RUNX1: variants seen among roughly 807,000 people sequenced by gnomAD.
RUNX1 encodes runt-related transcription factor 1.
Under a neutral mutation model 42.8 loss-of-function variants are expected in RUNX1, and 19 were observed. That is an observed-to-expected ratio of 0.44 (90% CI 0.31 to 0.65). The LOEUF (loss-of-function observed/expected upper bound fraction) is 0.65, where lower values mean the gene tolerates loss of function less well. Ranked by LOEUF, RUNX1 falls within the 30% of genes least tolerant of loss-of-function variation. The pLI, the probability that RUNX1 is intolerant of heterozygous loss-of-function variation, is 0.07. For synonymous variants in RUNX1, 271 were observed against 289.4 expected, an observed-to-expected ratio of 0.94 and a Z score of 0.64; for missense variants, 528 against 672.0, an observed-to-expected ratio of 0.79 and a Z score of 2.37.
At chr21:34,863,196 CTT>C (rs2057601927) in intron 5 of RUNX1, among the ~76,000 whole-genome samples, 1 of 152,216 alleles carries the variant, frequency 6.6e-6, no homozygotes, top group Non-Finnish European at 1.5e-5. Flanking sequence ...TATCCCTGAG[CTT>C]TCTACTCACT....
chr21:34,853,486 C>T (rs761715267), intron 6 of RUNX1, among the ~76,000 whole-genome samples: 52 of 152,162 alleles, frequency 3.4e-4, no homozygotes, highest in Non-Finnish European at 5.0e-4. Context: ...ACCCTGGCAT[C>T]GGTGCGTGCC....
chr21:34,820,812 T>G (rs1188771397), intron 7 of RUNX1, among the ~76,000 whole-genome samples: 1 of 151,944 alleles, frequency 6.6e-6, no homozygotes, highest in East Asian at 1.9e-4. Flanking sequence ...AGTGCCCAAG[T>G]GAATGATCCA....
intron 2 of RUNX1, among the ~76,000 whole-genome samples, chr21:34,900,851 G>T (rs1247644812): frequency 6.6e-6 from 1 of 152,088 alleles, no homozygotes; most frequent in East Asian, 1.9e-4. Flanking sequence ...GAAATTGGAG[G>T]TTCTATTTTT....
At chr21:34,957,354 G>A (rs745848631) in intron 2 of RUNX1, among the ~76,000 whole-genome samples, 9 of 152,188 alleles carry the variant, frequency 5.9e-5, no homozygotes, top group South Asian at 2.1e-4. Context: ...AGGATGGCTC[G>A]TGAAATGTGA....
intron 7 of RUNX1, among the ~76,000 whole-genome samples, chr21:34,807,385 C>T (rs1354524705): frequency 6.6e-6 from 1 of 152,126 alleles, no homozygotes; most frequent in Non-Finnish European, 1.5e-5. Flanking sequence ...GTTAGAAAGC[C>T]CCTTCCTTGA....
rs759633019 is a variant in RUNX1 at position 34,894,802 on chromosome 21, A to G, written c.59-1839T>C. ...TCACAAGAACATCATTGCTACCCCCATTTTACAGATAAGGAACCTCACCCT... is the reference window on the plus strand; with the variant it reads ...TCACAAGAACATCATTGCTACCCCCGTTTTACAGATAAGGAACCTCACCCT... On this transcript the variant is annotated intron_variant, in intron 2 of 8. Coordinates refer to ENST00000675419, the MANE Select transcript of RUNX1 (RefSeq NM_001754.5). Among the ~76,000 whole-genome samples the G allele has an allele frequency of 2.3e-4, 35 of 151,114 alleles. 1 individual carries two copies. Among genetic ancestry groups the G allele is most frequent in the Non-Finnish European group, 8.8e-5 (6 of 67,918 alleles).
At chr21:34,932,802 T>C (rs1312578245) in intron 2 of RUNX1, among the ~76,000 whole-genome samples, 1 of 152,178 alleles carries the variant, frequency 6.6e-6, no homozygotes, top group Non-Finnish European at 1.5e-5. Flanking sequence ...TCTGATCTCA[T>C]GTTAACCAAC....
chr21:34,938,980 C>T (rs1051983317), intron 2 of RUNX1, among the ~76,000 whole-genome samples: 4 of 152,126 alleles, frequency 2.6e-5, no homozygotes, highest in South Asian at 2.1e-4. Flanking sequence ...TTTCTAGATT[C>T]GGCTCAAACA....
intron 2 of RUNX1, among the ~76,000 whole-genome samples, chr21:34,987,403 A>T (rs548927681): frequency 6.6e-6 from 1 of 152,304 alleles, no homozygotes; most frequent in South Asian, 2.1e-4. Context: ...TGAAGAATGA[A>T]GTCCCCAGGC....
chr21:34,838,683 G>T (rs1354348580), intron 6 of RUNX1, among the ~76,000 whole-genome samples: 2 of 152,116 alleles, frequency 1.3e-5, no homozygotes, highest in Non-Finnish European at 2.9e-5. Flanking sequence ...CAATGGAAAA[G>T]AAATCAATGT....
At position 34,878,361 on chromosome 21, in the gene RUNX1, AT is replaced by A. The variant is rs371268454; in HGVS notation, c.508+2195del. Among the ~76,000 whole-genome samples the A allele has an allele frequency of 5.0e-3, 673 of 133,798 alleles. 2 individuals carry two copies. The highest frequency in any genetic ancestry group is 7.5e-3 in the Middle Eastern group (2 of 266). The allele number at this position is 133,798 out of a possible 152,430, so 87.8% of individuals were successfully genotyped here. A position where few individuals can be genotyped will look rare whatever the true frequency, so the allele number is the denominator to read the frequency against. Reference sequence around the variant, plus strand: ...GCGCTGACTAAAAAAAAAAAAAAAAATATATATATATATATACACACACACA... The same window carrying A: ...GCGCTGACTAAAAAAAAAAAAAAAAAATATATATATATATACACACACACA... On this transcript the variant is annotated intron_variant, in intron 5 of 8. Coordinates refer to ENST00000675419, the MANE Select transcript of RUNX1 (RefSeq NM_001754.5).
At chr21:34,918,706 G>A (rs1179179862) in intron 2 of RUNX1, among the ~76,000 whole-genome samples, 3 of 152,124 alleles carry the variant, frequency 2.0e-5, no homozygotes, top group Non-Finnish European at 2.9e-5. Context: ...TCAAGAGATC[G>A]AGACCATCCT....
At chr21:34,852,564 G>C (rs2057437173) in intron 6 of RUNX1, among the ~76,000 whole-genome samples, 1 of 152,222 alleles carries the variant, frequency 6.6e-6, no homozygotes, top group Non-Finnish European at 1.5e-5. Context: ...TAGTTGAGGA[G>C]CTTAACACAG....
intron 2 of RUNX1, among the ~76,000 whole-genome samples, chr21:35,025,035 T>A (rs2059225697): frequency 6.6e-6 from 1 of 152,194 alleles, no homozygotes; most frequent in Non-Finnish European, 1.5e-5. Flanking sequence ...ACTCTGAAAG[T>A]CATTTCAAAA....
intron 2 of RUNX1, among the ~76,000 whole-genome samples, chr21:34,988,240 G>A (rs946376520): frequency 2.0e-5 from 3 of 152,126 alleles, no homozygotes; most frequent in Non-Finnish European, 4.4e-5. Flanking sequence ...GGGTCAGTAC[G>A]GTCCTTCTTC....
At chr21:34,916,219 T>A (rs1297110725) in intron 2 of RUNX1, among the ~76,000 whole-genome samples, 1 of 152,182 alleles carries the variant, frequency 6.6e-6, no homozygotes, top group Non-Finnish European at 1.5e-5. Context: ...CAGGGCTGCA[T>A]TACAGCTGCT....
At chr21:34,829,170 A>G (rs1173975649) in intron 7 of RUNX1, among the ~76,000 whole-genome samples, 1 of 152,208 alleles carries the variant, frequency 6.6e-6, no homozygotes. Flanking sequence ...CTTAGCCACT[A>G]TGATCTGCTA....
intron 4 of RUNX1, among the ~76,000 whole-genome samples, chr21:34,882,251 C>CT (rs1175363611): frequency 5.3e-5 from 8 of 152,194 alleles, no homozygotes; most frequent in Non-Finnish European, 8.8e-5. Flanking sequence ...AGCCATCACC[C>CT]TTTCCCTGTG....
chr21:34,888,344 A>ATC (rs2058028090), intron 3 of RUNX1: 2 of 1,060,610 alleles, frequency 1.9e-6, no homozygotes, highest in Non-Finnish European at 2.3e-6. Context: ...TGCCACGCAC[A>ATC]CTGCCACGCA....
Sources: allele counts gnomAD v4.1 joint callset (sites outside exome capture counted in the v4.1 genomes callset), GRCh38; gene constraint gnomAD v4.1.1; transcripts MANE v1.5; gene names NCBI Gene and HGNC (gene_info 2026-07-23, HGNC 2026-07-21).